The following SYNE1 variants were observed in gnomAD, a reference collection of about 807,000 sequenced individuals.
The protein encoded by SYNE1 is spectrin repeat containing nuclear envelope protein 1.
A neutral mutation model predicts 1,111.0 loss-of-function variants in SYNE1; 616 were observed. The observed-to-expected ratio is 0.55, with a 90% CI of 0.52 to 0.59. The LOEUF (loss-of-function observed/expected upper bound fraction) is 0.59, where lower values mean the gene tolerates loss of function less well. Among genes scored for constraint, SYNE1 ranks in the 20% least tolerant of loss-of-function variants. SYNE1 has a pLI of 0.00. For missense variants in SYNE1, 10,006 were observed against 10,417.0 expected (o/e 0.96, Z 1.72); for synonymous variants, 3,855 against 3,825.8 (o/e 1.01, Z -0.28).
rs373032098 is a variant in SYNE1 at position 152,189,300 on chromosome 6, A to G, written c.23253T>C (p.Asn7751=). The change falls in exon 128 of 146, where the codon AAT becomes AAC. Residue 7751 remains asparagine (N), a synonymous_variant. Coordinates refer to ENST00000367255, the MANE Select transcript of SYNE1 (RefSeq NM_182961.4). ...YISADDISIL[N]ERVELLQRQW... ...GCCTTTGCAGAAGCTCTACGCGTTC[A>G]TTAAGAATGGAGATATCATCAGCAC... 29 of 1,613,952 alleles carry G rather than the reference A, an allele frequency of 1.8e-5. No homozygotes were observed. The highest frequency in any genetic ancestry group is 2.1e-5 in the Non-Finnish European group (25 of 1,180,008).
chr6:152,308,706 G>C, intron 90 of SYNE1, 74 bp from the exon 91 acceptor site: 1 of 1,501,280 alleles, frequency 6.7e-7, no homozygotes, highest in Non-Finnish European at 9.0e-7. Flanking sequence ...TGATTCTGTA[G>C]TTTAACTCCT....
rs539637039 is a variant in SYNE1 at position 152,556,972 on chromosome 6, A to G, written c.68-16951T>C. On this transcript the variant is annotated intron_variant, in intron 3 of 145. Transcript: ENST00000367255. ...ACTGACTTTAAAGAAATGGATATCT[A>G]TGAACTGCTTGAGAAATAATTTAAC... is the stretch of plus-strand genomic sequence containing the variant. Among the ~76,000 whole-genome samples, 63 of 152,292 alleles carry G rather than the reference A, an allele frequency of 4.1e-4. 1 individual carries two copies. The South Asian group carries it at 4.6e-3, about 11-fold the overall frequency.
chr6:152,223,406 G>A (rs1279865099), intron 117 of SYNE1, among the ~76,000 whole-genome samples: 3 of 152,140 alleles, frequency 2.0e-5, no homozygotes, highest in Non-Finnish European at 4.4e-5. Context: ...TGGATCATGA[G>A]GTCAGGAGTT....
In SYNE1 at chr6:152,254,940, T is replaced by C. The variant is rs750563288; in HGVS notation, c.19410A>G (p.Ser6470=). The part of the protein sequence containing the change: ...CLLGRLSLLD[S]VVNQRCHQMK... ...TCTGATGACATCGTTGATTCACTAC[T>C]GAGTCTAGCAAGGATAACCTGCCCA... is the stretch of plus-strand genomic sequence containing the variant. The change falls in exon 104 of 146, where the codon TCA becomes TCG. Residue 6470 remains serine (S), a synonymous_variant. Transcript: ENST00000367255. The C allele has an allele frequency of 9.9e-6, 16 of 1,613,926 alleles. No individual in the cohort carries two copies. Among genetic ancestry groups the C allele is most frequent in the Non-Finnish European group, 1.4e-5 (16 of 1,179,978 alleles).
intron 133 of SYNE1, 146 bp from the exon 134 acceptor site, chr6:152,152,287 C>A: frequency 1.3e-6 from 1 of 758,948 alleles, no homozygotes. Context: ...CGGTACACTT[C>A]CCCTTGTTAA....
intron 87 of SYNE1, among the ~76,000 whole-genome samples, chr6:152,314,161 G>T (rs1313585413): frequency 1.3e-5 from 2 of 152,212 alleles, no homozygotes; most frequent in Non-Finnish European, 2.9e-5. Context: ...TGCTAAATTT[G>T]CTTTCTGAAA....
intron 136 of SYNE1, 42 bp downstream of exon 136, chr6:152,149,435 T>G (rs185961248): frequency 1.9e-6 from 3 of 1,612,264 alleles, no homozygotes; most frequent in Non-Finnish European, 2.5e-6. Context: ...CGACTTATTC[T>G]CTTTAGATTT....
chr6:152,595,140 G>A (rs2099577295), intron 3 of SYNE1, among the ~76,000 whole-genome samples: 1 of 152,146 alleles, frequency 6.6e-6, no homozygotes, highest in South Asian at 2.1e-4. Flanking sequence ...AAATACTGGG[G>A]AGGACCAAGT....
At chr6:152,294,483 T>A (rs1256017714) in intron 93 of SYNE1, among the ~76,000 whole-genome samples, 1 of 152,196 alleles carries the variant, frequency 6.6e-6, no homozygotes, top group Non-Finnish European at 1.5e-5. Context: ...ATCTTAATGA[T>A]CTAGTTCCTA....
intron 3 of SYNE1, 29 bp from the exon 4 acceptor site, chr6:152,540,050 A>G: frequency 6.2e-7 from 1 of 1,603,098 alleles, no homozygotes; most frequent in Non-Finnish European, 8.5e-7. Flanking sequence ...CTGGTTAAAT[A>G]ATGTAATATT....
rs190384513 is a variant in SYNE1, at chr6:152,424,049, C to T, written c.5267+1332G>A. On this transcript the variant is annotated intron_variant, in intron 39 of 145. Transcript: ENST00000367255. ...CTTGCTTAGTTATGTATTTATTTTC[C>T]GCCCAGTTCCTTCCTCCCCTCTCTC... Among the ~76,000 whole-genome samples, 3 of 152,230 alleles carry T rather than the reference C, an allele frequency of 2.0e-5. No homozygotes were observed. The East Asian group carries it at 5.8e-4, about 29-fold the overall frequency.
rs561747727 is a variant in SYNE1, at chr6:152,390,824, A to G, written c.8005-372T>C. On this transcript the variant is annotated intron_variant, in intron 52 of 145. Transcript: ENST00000367255. ...ATTTCTCTCTTTCAAGGTCAGCTTCATTGGCTATAGTCTGGGTTGGTGATC... is the reference window on the plus strand; with the variant it reads ...ATTTCTCTCTTTCAAGGTCAGCTTCGTTGGCTATAGTCTGGGTTGGTGATC... Among the ~76,000 whole-genome samples, 4 of 152,280 alleles carry G rather than the reference A, an allele frequency of 2.6e-5. No homozygotes were observed. The South Asian group carries it at 8.3e-4, about 32-fold the overall frequency.
At chr6:152,629,216 T>G (rs1242202376) in intron 2 of SYNE1, among the ~76,000 whole-genome samples, 1 of 151,896 alleles carries the variant, frequency 6.6e-6, no homozygotes, top group Admixed American at 6.6e-5. Context: ...TAAGTTTTTG[T>G]TTTTGTTTTT....
chr6:152,240,558 G>A (rs1408046045), intron 107 of SYNE1, among the ~76,000 whole-genome samples: 2 of 152,170 alleles, frequency 1.3e-5, no homozygotes, highest in East Asian at 3.9e-4. Context: ...TGGAGATTGA[G>A]CTTATCTCAT....
rs1348758893 is a variant in SYNE1 at position 152,255,050 on chromosome 6, C to A, written c.19300G>T (p.Asp6434Tyr). 6.8e-6 allele frequency: 11 copies of A among 1,609,198 alleles called. No individual in the cohort carries two copies. The highest frequency in any genetic ancestry group is 8.5e-6 in the Non-Finnish European group (10 of 1,176,972). ...TGGGAAAACAAGTTTTTGTTCTTAT[C>A]CATTTCTTCAGACATTTCCTTAATG... is the stretch of plus-strand genomic sequence containing the variant. ...KDIKEMSEEMDKNKNLFSQAF... is the reference protein window; with the variant it reads ...KDIKEMSEEMYKNKNLFSQAF... The change falls in exon 104 of 146, where the codon GAT becomes TAT. Residue 6434 changes from aspartate (D) to tyrosine (Y), a missense_variant. Coordinates refer to ENST00000367255, the MANE Select transcript of SYNE1 (RefSeq NM_182961.4).
intron 89 of SYNE1, 59 bp from the exon 90 acceptor site, chr6:152,310,076 A>G (rs1003767090): frequency 1.3e-6 from 2 of 1,538,334 alleles, no homozygotes; most frequent in Non-Finnish European, 1.8e-6. Context: ...TTTCATAAGC[A>G]AAAGGCACTA....
At chr6:152,396,426 ACT>A (rs747303728) in intron 50 of SYNE1, among the ~76,000 whole-genome samples, 3 of 152,092 alleles carry the variant, frequency 2.0e-5, no homozygotes, top group Non-Finnish European at 2.9e-5. Flanking sequence ...TTCTGCTATG[ACT>A]CTATCCCAAA....
At chr6:152,140,959 T>C (rs1303821880) in intron 139 of SYNE1, among the ~76,000 whole-genome samples, 1 of 152,062 alleles carries the variant, frequency 6.6e-6, no homozygotes, top group African/African-American at 2.4e-5. Flanking sequence ...GCCATGAACC[T>C]GGGAGGCGGA....
At chr6:152,462,584 A>T (rs916373708) in intron 20 of SYNE1, 154 bp downstream of exon 20, 19 of 775,956 alleles carry the variant, frequency 2.4e-5, no homozygotes, top group African/African-American at 5.3e-5. Context: ...TGTTCAATAC[A>T]TTTTTTTCTG....
Sources: gnomAD v4.1 joint callset for allele counts (sites outside exome capture counted in the v4.1 genomes callset) on GRCh38, gnomAD v4.1.1 for gene constraint, MANE v1.5 for transcripts, NCBI Gene and HGNC (gene_info 2026-07-23, HGNC 2026-07-21) for gene names.